Variants in RAE1 observed in about 807,000 individuals in gnomAD.
The protein encoded by RAE1 is ribonucleic acid export 1.
RAE1 carries 13 observed loss-of-function variants against 52.7 expected under a neutral mutation model. The observed-to-expected ratio is 0.25, with a 90% CI of 0.16 to 0.39. The LOEUF is 0.39. Among genes scored for constraint, RAE1 ranks in the 10% least tolerant of loss-of-function variants. The pLI is 1.00. For missense variants in RAE1, 262 were observed against 459.8 expected, an observed-to-expected ratio of 0.57 and a Z score of 3.93; for synonymous variants, 164 against 153.1, an observed-to-expected ratio of 1.07 and a Z score of -0.52.
intron 9 of RAE1, 28 bp from the exon 10 acceptor site, chr20:57,373,635 A>G: frequency 6.2e-7 from 1 of 1,613,350 alleles, no homozygotes; most frequent in Non-Finnish European, 8.5e-7. Context: ...TTAACAAAGG[A>G]AGACTTACAT....
intron 1 of RAE1, among the ~76,000 whole-genome samples, chr20:57,352,981 CCTTTTGTTCTGCA>C (rs2066732803): frequency 6.6e-6 from 1 of 152,234 alleles, no homozygotes; most frequent in African/African-American, 2.4e-5. Context: ...GTTGCTCTGA[CCTTTTGTTCTGCA>C]CTTATTTTTC....
intron 3 of RAE1, 96 bp from the exon 4 acceptor site, chr20:57,356,350 T>C (rs745622478): frequency 2.8e-5 from 23 of 834,024 alleles, no homozygotes; most frequent in Non-Finnish European, 2.9e-5. Flanking sequence ...GAGAAGTCTA[T>C]GTATGGTTAA....
chr20:57,362,163 G>T (rs186713113), intron 4 of RAE1, among the ~76,000 whole-genome samples: 2 of 152,328 alleles, frequency 1.3e-5, no homozygotes, highest in Non-Finnish European at 2.9e-5. Context: ...TGCCACAAAG[G>T]TTGGGGACCG....
chr20:57,376,704 TGGCGTGCGTGGAGCCCGA>T (rs1218779993), intron 11 of RAE1, among the ~76,000 whole-genome samples: 1 of 152,234 alleles, frequency 6.6e-6, no homozygotes, highest in Non-Finnish European at 1.5e-5. Flanking sequence ...GGACAGGCTG[TGGCGTGCGTGGAGCCCGA>T]GGCCTCAGCT....
chr20:57,373,324 TAGAA>T (rs1199420204), intron 8 of RAE1, 147 bp from the exon 9 acceptor site: 6 of 685,216 alleles, frequency 8.8e-6, no homozygotes, highest in Admixed American at 8.2e-5. Context: ...ACTAAGGAGT[TAGAA>T]AGCAATGCTT....
intron 11 of RAE1, among the ~76,000 whole-genome samples, chr20:57,375,418 C>T (rs2067098741): frequency 6.6e-6 from 1 of 152,140 alleles, no homozygotes; most frequent in African/African-American, 2.4e-5. Context: ...TTTCCCTACC[C>T]TGCCCTGGCT....
intron 11 of RAE1, among the ~76,000 whole-genome samples, chr20:57,376,565 C>G (rs1218722968): frequency 1.3e-5 from 2 of 152,218 alleles, no homozygotes; most frequent in African/African-American, 4.8e-5. Context: ...AATCACTTGT[C>G]CGTTACTTTT....
At chr20:57,356,164 G>A (rs2066783074) in intron 3 of RAE1, among the ~76,000 whole-genome samples, 1 of 152,140 alleles carries the variant, frequency 6.6e-6, no homozygotes, top group South Asian at 2.1e-4. Context: ...AATGGTAATG[G>A]GTAAGTGATA....
In RAE1 at chr20:57,351,317, T is replaced by C. The variant is rs1481153699; in HGVS notation, c.-113T>C. On this transcript the variant is annotated 5_prime_UTR_variant, in exon 1 of 12. Transcript: ENST00000395841. ...TAAGGAGGCTTCGGGCTCCTGGGAT[T>C]TCTGTCCGCGCTCCTGGCCCTCGTC... is the stretch of plus-strand genomic sequence containing the variant. 1 of 985,356 alleles carries C rather than the reference T, an allele frequency of 1.0e-6. No homozygotes were observed. Among genetic ancestry groups the C allele is most frequent in the Admixed American group, 6.1e-5 (1 of 16,266 alleles). The allele number at this position is 985,356 out of a possible 1,614,324, so 61.0% of individuals were successfully genotyped here.
intron 11 of RAE1, among the ~76,000 whole-genome samples, chr20:57,377,000 C>G (rs1482010691): frequency 6.6e-6 from 1 of 152,180 alleles, no homozygotes; most frequent in Non-Finnish European, 1.5e-5. Flanking sequence ...AAATTTGCTT[C>G]AGGGGTTTTT....
Position 57,378,266 on chromosome 20 carries a change from A to ACTTG in RAE1, c.*169_*172dup. On this transcript the variant is annotated 3_prime_UTR_variant, in exon 12 of 12. Transcript: ENST00000395841. ...GCTGAGAGCCCAGGCGTCCGCGGCG[A>ACTTG]CTTGCCGTCTCTCCATTCCACTGCC... The ACTTG allele has an allele frequency of 3.5e-6, 2 of 576,556 alleles. No homozygotes were observed. The highest frequency in any genetic ancestry group is 3.0e-6 in the Non-Finnish European group (1 of 329,184). 35.7% of individuals were successfully genotyped at this position (576,556 alleles called of 1,614,324 possible). A position where few individuals can be genotyped will look rare whatever the true frequency, so the allele number is the denominator to read the frequency against.
At chr20:57,361,112 A>AAGAAAT (rs1173089888) in intron 4 of RAE1, among the ~76,000 whole-genome samples, 1 of 151,554 alleles carries the variant, frequency 6.6e-6, no homozygotes, top group Non-Finnish European at 1.5e-5. Flanking sequence ...GAAAGAAAGA[A>AAGAAAT]AGAAATAGAA....
intron 8 of RAE1, chr20:57,373,205 C>T: frequency 2.2e-6 from 1 of 458,166 alleles, no homozygotes; most frequent in Non-Finnish European, 3.9e-6. Context: ...TGGGGCTCTG[C>T]TGGCGTGAAC....
intron 4 of RAE1, among the ~76,000 whole-genome samples, chr20:57,364,514 A>G (rs1250579801): frequency 6.6e-6 from 1 of 152,212 alleles, no homozygotes; most frequent in African/African-American, 2.4e-5. Context: ...CAATGGAACA[A>G]GTTTTTGCTA....
intron 5 of RAE1, 64 bp downstream of exon 5, chr20:57,365,506 A>G: frequency 8.9e-7 from 1 of 1,126,224 alleles, no homozygotes; most frequent in Non-Finnish European, 1.3e-6. Flanking sequence ...TGGCTCTTTA[A>G]GTGAAATAAT....
intron 10 of RAE1, 61 bp from the exon 11 acceptor site, chr20:57,374,546 G>T: frequency 6.9e-6 from 10 of 1,457,912 alleles, no homozygotes; most frequent in Non-Finnish European, 9.4e-6. Flanking sequence ...AAGTGTGCGT[G>T]GGTGGAACCT....
At chr20:57,377,274 C>T (rs1187802320) in intron 11 of RAE1, among the ~76,000 whole-genome samples, 1 of 152,222 alleles carries the variant, frequency 6.6e-6, no homozygotes, top group Non-Finnish European at 1.5e-5. Context: ...TTTGGCCCAC[C>T]TGCGGCTCCT....
chr20:57,353,260 A>G (rs1017764401), intron 1 of RAE1, among the ~76,000 whole-genome samples: 3 of 152,346 alleles, frequency 2.0e-5, no homozygotes, highest in Middle Eastern at 3.4e-3. Context: ...TGCATTTTCT[A>G]CATAATCTGA....
At chr20:57,369,099 A>G (rs2066998007) in intron 8 of RAE1, among the ~76,000 whole-genome samples, 1 of 152,246 alleles carries the variant, frequency 6.6e-6, no homozygotes, top group South Asian at 2.1e-4. Context: ...GAAGGGGTTC[A>G]CTGAAAAGTA....
Sources: gnomAD v4.1 joint callset for allele counts (sites outside exome capture counted in the v4.1 genomes callset) on GRCh38, gnomAD v4.1.1 for gene constraint, MANE v1.5 for transcripts, NCBI Gene and HGNC (gene_info 2026-07-23, HGNC 2026-07-21) for gene names.